ARL6IP6: variants seen among roughly 807,000 people sequenced by gnomAD.
ARL6IP6 encodes the protein ADP-ribosylation factor-like protein 6-interacting protein 6.
In ARL6IP6, 22 loss-of-function variants were observed where a neutral mutation model predicts 21.5. The ratio of observed to expected loss-of-function variants is 1.02; its 90% CI spans 0.73 to 1.46. The LOEUF is 1.46. ARL6IP6 is among the 40% of genes most tolerant of loss of function. The pLI is 0.00. For synonymous variants in ARL6IP6, 164 were observed against 125.3 expected, an observed-to-expected ratio of 1.31 and a Z score of -2.06; for missense variants, 388 against 299.8, an observed-to-expected ratio of 1.29 and a Z score of -2.17.
At chr2:152,758,688 C>G (rs1701697099) in intron 3 of ARL6IP6, among the ~76,000 whole-genome samples, 1 of 152,118 alleles carries the variant, frequency 6.6e-6, no homozygotes, top group African/African-American at 2.4e-5. Flanking sequence ...GTCTATGTAG[C>G]TTCAGATGAA....
chr2:152,725,813 G>A (rs1160299130), intron 2 of ARL6IP6, among the ~76,000 whole-genome samples: 1 of 152,176 alleles, frequency 6.6e-6, no homozygotes, highest in East Asian at 1.9e-4. Flanking sequence ...CATGACTTTA[G>A]GGAAACTGGG....
chr2:152,745,951 G>C (rs1395505801), intron 3 of ARL6IP6, among the ~76,000 whole-genome samples: 1 of 139,184 alleles, frequency 7.2e-6, no homozygotes, highest in African/African-American at 2.7e-5. Context: ...TTAACTATTG[G>C]TTTTATTGTT....
intron 2 of ARL6IP6, among the ~76,000 whole-genome samples, chr2:152,729,803 A>G (rs1700218204): frequency 6.6e-6 from 1 of 152,222 alleles, no homozygotes; most frequent in African/African-American, 2.4e-5. Flanking sequence ...CTCTTAGCTG[A>G]TCACTTTTAG....
chr2:152,719,135 T>A, intron 1 of ARL6IP6, 111 bp downstream of exon 1: 2 of 1,265,548 alleles, frequency 1.6e-6, no homozygotes, highest in Non-Finnish European at 2.1e-6. Context: ...GGCTGGCAGC[T>A]GCTTTCACCC....
At chr2:152,743,346 C>T (rs904854306) in intron 3 of ARL6IP6, among the ~76,000 whole-genome samples, 14 of 152,088 alleles carry the variant, frequency 9.2e-5, no homozygotes, top group African/African-American at 2.9e-4. Context: ...AGTGATGGGT[C>T]GTATTGCTGA....
At chr2:152,742,102 A>G (rs1006795749) in intron 3 of ARL6IP6, among the ~76,000 whole-genome samples, 5 of 152,100 alleles carry the variant, frequency 3.3e-5, no homozygotes, top group African/African-American at 7.2e-5. Flanking sequence ...TTCCCTGTTC[A>G]TTGTCTGGGT....
At chr2:152,759,680 CT>C (rs1169867507) in intron 3 of ARL6IP6, 66 bp from the exon 4 acceptor site, 10 of 1,283,208 alleles carry the variant, frequency 7.8e-6, no homozygotes, top group Non-Finnish European at 1.1e-5. Flanking sequence ...TCGATGAAAA[CT>C]TTTGGTGTCT....
intron 2 of ARL6IP6, among the ~76,000 whole-genome samples, chr2:152,726,129 T>A (rs1700036148): frequency 1.3e-5 from 2 of 151,326 alleles, no homozygotes; most frequent in Non-Finnish European, 2.9e-5. Context: ...TGAAATGATC[T>A]GTAATAAAAG....
chr2:152,726,940 TACATA>T (rs1402390859), intron 2 of ARL6IP6, among the ~76,000 whole-genome samples: 2 of 152,224 alleles, frequency 1.3e-5, no homozygotes, highest in African/African-American at 4.8e-5. Flanking sequence ...TTACGTGCAG[TACATA>T]ACATAATTCT....
At position 152,718,727 on chromosome 2, in the gene ARL6IP6, G is replaced by T; in HGVS notation, c.103G>T (p.Asp35Tyr). 2.5e-6 allele frequency: 4 copies of T among 1,610,568 alleles called. No homozygotes were observed. Among genetic ancestry groups the T allele is most frequent in the Non-Finnish European group, 3.4e-6 (4 of 1,178,476 alleles). Residue 35 changes from aspartate (D) to tyrosine (Y), a missense_variant, in exon 1 of 4, where the codon GAC becomes TAC. Transcript: ENST00000326446. ...ATCGTATTCCTCCTTTACTCAGGGGGACAGCTGGGGTGAAGGCGAAGTCGA... is the reference window on the plus strand; with the variant it reads ...ATCGTATTCCTCCTTTACTCAGGGGTACAGCTGGGGTGAAGGCGAAGTCGA... ...RPSYSSFTQG[D>Y]SWGEGEVDEE... is the part of the protein sequence containing the mutation.
chr2:152,754,603 T>C (rs1209131088), intron 3 of ARL6IP6, among the ~76,000 whole-genome samples: 1 of 152,238 alleles, frequency 6.6e-6, no homozygotes, highest in African/African-American at 2.4e-5. Context: ...TTGGGTCATA[T>C]GTTAACTCTG....
At chr2:152,745,050 GTGT>G (rs1164689392) in intron 3 of ARL6IP6, among the ~76,000 whole-genome samples, 1 of 152,156 alleles carries the variant, frequency 6.6e-6, no homozygotes, top group East Asian at 1.9e-4. Context: ...GTGTGAGAGT[GTGT>G]TGTTAACTGT....
intron 2 of ARL6IP6, among the ~76,000 whole-genome samples, chr2:152,721,237 A>T (rs758687631): frequency 6.6e-6 from 1 of 152,224 alleles, no homozygotes; most frequent in African/African-American, 2.4e-5. Context: ...GGCTTCCCAC[A>T]GCTCTTCTCA....
intron 3 of ARL6IP6, among the ~76,000 whole-genome samples, chr2:152,752,616 GT>G (rs1489059001): frequency 6.6e-6 from 1 of 152,174 alleles, no homozygotes; most frequent in Non-Finnish European, 1.5e-5. Context: ...AGTTTTCTGG[GT>G]TTTAAGTACT....
intron 3 of ARL6IP6, among the ~76,000 whole-genome samples, chr2:152,756,406 G>GAGTAGTCA (rs1701594802): frequency 6.6e-6 from 1 of 151,934 alleles, no homozygotes; most frequent in Admixed American, 6.6e-5. Flanking sequence ...CATAACCTTG[G>GAGTAGTCA]AGTAGTCAAA....
intron 2 of ARL6IP6, among the ~76,000 whole-genome samples, chr2:152,733,262 GTTT>G (rs1700408652): frequency 7.2e-6 from 1 of 139,732 alleles, no homozygotes; most frequent in Admixed American, 6.7e-5. Flanking sequence ...TCGTTCTGTT[GTTT>G]GTTTGTTTGT....
intron 3 of ARL6IP6, among the ~76,000 whole-genome samples, chr2:152,736,377 GAC>G (rs753432570): frequency 1.3e-5 from 2 of 152,038 alleles, no homozygotes; most frequent in Non-Finnish European, 2.9e-5. Flanking sequence ...CTGTTTAATA[GAC>G]CTTGCTACCC....
At chr2:152,746,167 G>A (rs770976341) in intron 3 of ARL6IP6, among the ~76,000 whole-genome samples, 18 of 151,766 alleles carry the variant, frequency 1.2e-4, no homozygotes, top group Non-Finnish European at 2.2e-4. Context: ...ACAGACATGC[G>A]CCACCACATC....
chr2:152,754,030 T>C (rs1701462446), intron 3 of ARL6IP6, among the ~76,000 whole-genome samples: 1 of 151,680 alleles, frequency 6.6e-6, no homozygotes, highest in African/African-American at 2.4e-5. Context: ...GACAGTAAAG[T>C]GTTTTTTTGT....
Sources: gnomAD v4.1 joint callset for allele counts (sites outside exome capture counted in the v4.1 genomes callset) on GRCh38, gnomAD v4.1.1 for gene constraint, MANE v1.5 for transcripts, NCBI Gene and HGNC (gene_info 2026-07-23, HGNC 2026-07-21) for gene names.